DOCK8: variants seen among roughly 807,000 people sequenced by gnomAD.
DOCK8 encodes dedicator of cytokinesis 8.
A neutral mutation model predicts 245.6 loss-of-function variants in DOCK8; 141 were observed. That is an observed-to-expected ratio of 0.57 (90% CI 0.50 to 0.66). DOCK8 has a LOEUF of 0.66. Among genes scored for constraint, DOCK8 ranks in the 30% least tolerant of loss-of-function variants. DOCK8 has a pLI of 0.00. For synonymous variants in DOCK8, 1,168 were observed against 970.2 expected, an observed-to-expected ratio of 1.20 and a Z score of -3.79; for missense variants, 2,965 against 2,603.4, an observed-to-expected ratio of 1.14 and a Z score of -3.02.
intron 46 of DOCK8, chr9:454,670 T>G (rs1219582576): frequency 2.0e-5 from 3 of 152,240 alleles, no homozygotes; most frequent in Admixed American, 2.0e-4. Context: ...GAATACAATT[T>G]AAATGTTTAA....
At chr9:392,459 G>A (rs1285862046) in intron 24 of DOCK8, among the ~76,000 whole-genome samples, 1 of 152,156 alleles carries the variant, frequency 6.6e-6, no homozygotes, top group Non-Finnish European at 1.5e-5. Context: ...AGAACCACCT[G>A]GAGGTGCTTA....
At position 215,058 on chromosome 9, in the gene DOCK8, G is replaced by A. The variant is rs1488930499; in HGVS notation, c.53+29G>A. ...AGACGCCCCCCGCGGCGCGCAGGTT[G>A]CGGCCGGACAGCCCAGCGCTGGTGT... On this transcript the variant is annotated intron_variant, in intron 1 of 47. Coordinates refer to ENST00000432829, the MANE Select transcript of DOCK8 (RefSeq NM_203447.4). 7 of 1,553,720 alleles carry A rather than the reference G, an allele frequency of 4.5e-6. No individual in the cohort carries two copies. The South Asian group carries it at 5.9e-5, about 13-fold the overall frequency.
At chr9:212,361 G>A (rs1462740364), upstream of DOCK8, among the ~76,000 whole-genome samples, 4 of 152,130 alleles carry the variant, frequency 2.6e-5, no homozygotes, top group African/African-American at 7.2e-5. Context: ...TTGTATAAAG[G>A]TGAAAAACAA....
At chr9:290,714 C>T (rs948805483) in intron 4 of DOCK8, among the ~76,000 whole-genome samples, 2 of 152,116 alleles carry the variant, frequency 1.3e-5, no homozygotes, top group African/African-American at 4.8e-5. Flanking sequence ...TAGGGCACAC[C>T]CCACTAGAGA....
rs777836140 is a variant in DOCK8 at position 286,542 on chromosome 9, G to T, written c.238G>T (p.Ala80Ser). 4 of 1,614,028 alleles carry T rather than the reference G, an allele frequency of 2.5e-6. No homozygotes were observed. In the South Asian group the frequency reaches 3.3e-5, roughly 13 times the overall value. ...CCTGAACAGCCTGGATGTGCAGCTTGCCCAGGAGCTCGGGGACTTCACTGA... is the reference window on the plus strand; with the variant it reads ...CCTGAACAGCCTGGATGTGCAGCTTTCCCAGGAGCTCGGGGACTTCACTGA... The part of the protein sequence containing the change: ...THLNSLDVQL[A>S]QELGDFTDDD... Residue 80 changes from alanine to serine, a missense_variant, in exon 3 of 48, where the codon GCC becomes TCC. Ala to Ser is a moderately conservative substitution (Grantham distance 99). This residue lies in a region of DOCK8 where 2,825 missense variants were observed against 2,453.5 expected (regional missense o/e 1.15). Coordinates refer to ENST00000432829, the MANE Select transcript of DOCK8 (RefSeq NM_203447.4).
chr9:413,703 C>T (rs1186169316), intron 28 of DOCK8, among the ~76,000 whole-genome samples: 1 of 152,126 alleles, frequency 6.6e-6, no homozygotes, highest in Non-Finnish European at 1.5e-5. Flanking sequence ...CAATTAAATA[C>T]CACTTGATAC....
intron 10 of DOCK8, among the ~76,000 whole-genome samples, chr9:333,687 A>T (rs2051163364): frequency 7.1e-6 from 1 of 140,468 alleles, no homozygotes; most frequent in Admixed American, 7.2e-5. Flanking sequence ...AGTAAGATTT[A>T]TTGAACTCAA....
chr9:317,129 G>GTA lies in DOCK8; in HGVS notation c.827+2_827+3dup. Reference sequence around the variant, plus strand: ...TATTGGTCAAGTTGCTGACCTTGAAGTAAGTATCAACAAACACACTGCCAC... The same window carrying GTA: ...TATTGGTCAAGTTGCTGACCTTGAAGTATAAGTATCAACAAACACACTGCCAC... On this transcript the variant is annotated splice_donor_variant, in intron 7 of 47. Transcript: ENST00000432829. LOFTEE classifies it high-confidence loss of function. 1 of 1,610,620 alleles carries GTA rather than the reference G, an allele frequency of 6.2e-7. No individual in the cohort carries two copies. Among genetic ancestry groups the GTA allele is most frequent in the Non-Finnish European group, 8.5e-7 (1 of 1,176,828 alleles).
At position 396,874 on chromosome 9, in the gene DOCK8, A is replaced by C. The variant is rs540666977; in HGVS notation, c.3060A>C (p.Ile1020=). Residue 1020 remains isoleucine (I), a synonymous_variant, in exon 25 of 48, where the codon ATA becomes ATC. Transcript: ENST00000432829. ...TTTCTGACCGTTTCATGGATGACAT[A>C]ACTACTATTGTTAATGTGGTCACCT... ...TRFSDRFMDD[I]TTIVNVVTSE... 4 of 1,614,096 alleles carry C rather than the reference A, an allele frequency of 2.5e-6. No individual in the cohort carries two copies. The African/African-American group carries it at 5.3e-5, about 22-fold the overall frequency.
chr9:286,283 T>G (rs2048819426), intron 2 of DOCK8, among the ~76,000 whole-genome samples, 178 bp from the exon 3 acceptor site: 1 of 152,176 alleles, frequency 6.6e-6, no homozygotes, highest in Non-Finnish European at 1.5e-5. Context: ...TGTGCTGCAT[T>G]TTTTTCCATA....
At chr9:401,561 G>A (rs1440530986) in intron 26 of DOCK8, among the ~76,000 whole-genome samples, 1 of 152,110 alleles carries the variant, frequency 6.6e-6, no homozygotes, top group Admixed American at 6.6e-5. Flanking sequence ...ATTTTATGGG[G>A]TCTGCAAAGG....
At chr9:388,961 G>A (rs957053938) in intron 23 of DOCK8, among the ~76,000 whole-genome samples, 1 of 151,900 alleles carries the variant, frequency 6.6e-6, no homozygotes. Flanking sequence ...ATGATATTAG[G>A]GTGTTCAAAT....
intron 4 of DOCK8, among the ~76,000 whole-genome samples, chr9:300,110 G>C (rs376838156): frequency 1.3e-4 from 19 of 151,652 alleles, no homozygotes; most frequent in African/African-American, 4.3e-4. Flanking sequence ...GCTAATTCTT[G>C]TTTTTTGTTT....
intron 7 of DOCK8, among the ~76,000 whole-genome samples, chr9:318,337 C>A (rs1447001666): frequency 6.6e-6 from 1 of 152,206 alleles, no homozygotes; most frequent in Non-Finnish European, 1.5e-5. Flanking sequence ...TCAGCGGCCC[C>A]TGGTTTGCAG....
At chr9:340,625 A>AT (rs2130926188) in intron 14 of DOCK8, 1 of 228,134 alleles carries the variant, frequency 4.4e-6, no homozygotes, top group Admixed American at 5.1e-5. Flanking sequence ...TGTCTCAAAA[A>AT]AAAAAGAAAA....
At chr9:271,987 G>A (rs543176628) in intron 2 of DOCK8, among the ~76,000 whole-genome samples, 1 of 152,080 alleles carries the variant, frequency 6.6e-6, no homozygotes, top group East Asian at 1.9e-4. Context: ...AGGTGACTCA[G>A]TCTCATCCAA....
chr9:444,721 T>C (rs2057199179), intron 43 of DOCK8, among the ~76,000 whole-genome samples: 1 of 152,172 alleles, frequency 6.6e-6, no homozygotes, highest in South Asian at 2.1e-4. Flanking sequence ...GTCACCTCAT[T>C]AGCATCACAA....
intron 6 of DOCK8, chr9:312,458 C>G (rs1414608472): frequency 3.7e-6 from 2 of 537,456 alleles, no homozygotes; most frequent in Middle Eastern, 2.9e-4. Flanking sequence ...CAAGGGTCTA[C>G]ATGTAGTAAT....
intron 34 of DOCK8, among the ~76,000 whole-genome samples, chr9:427,733 C>G (rs908627935): frequency 6.6e-6 from 1 of 152,114 alleles, no homozygotes; most frequent in Non-Finnish European, 1.5e-5. Flanking sequence ...TGTCTAAAAT[C>G]AAAGTAATCA....
Sources: allele counts gnomAD v4.1 joint callset (sites outside exome capture counted in the v4.1 genomes callset), GRCh38; gene constraint gnomAD v4.1.1; regional missense constraint gnomAD v4.1.1; transcripts MANE v1.5; gene names NCBI Gene and HGNC (gene_info 2026-07-23, HGNC 2026-07-21).